Variants in RAB40C observed in about 807,000 individuals in gnomAD.
RAB40C encodes the protein RAB40C, member RAS oncogene family.
RAB40C carries 8 observed loss-of-function variants against 28.1 expected under a neutral mutation model. The ratio of observed to expected loss-of-function variants is 0.28; its 90% confidence interval spans 0.17 to 0.51. The LOEUF is 0.51. Ranked by LOEUF, RAB40C falls within the 20% of genes least tolerant of loss-of-function variation. The pLI is 0.97. For missense variants in RAB40C, 288 were observed against 405.9 expected (o/e 0.71, Z 2.50); for synonymous variants, 201 against 171.7 (o/e 1.17, Z -1.34).
At chr16:613,163 G>T (rs2036517882) in intron 1 of RAB40C, among the ~76,000 whole-genome samples, 1 of 140,184 alleles carries the variant, frequency 7.1e-6, no homozygotes, top group Non-Finnish European at 1.5e-5. Flanking sequence ...GCCCTGGCCT[G>T]TAGAATCAAG....
intron 3 of RAB40C, 105 bp from the exon 4 acceptor site, chr16:625,327 C>T: frequency 1.3e-6 from 2 of 1,519,112 alleles, no homozygotes; most frequent in South Asian, 2.4e-5. Context: ...TAATAAGCAT[C>T]CTTGGCCCTG....
At chr16:614,347 C>A in intron 1 of RAB40C, among the ~76,000 whole-genome samples, 1 of 107,056 alleles carries the variant, frequency 9.3e-6, no homozygotes, top group East Asian at 2.3e-4. Flanking sequence ...TGCCGCATCC[C>A]GATGGTGAAC....
At chr16:626,283 AGCAGCCTCGGGGGAGAG>A (rs1453566320) in intron 5 of RAB40C, among the ~76,000 whole-genome samples, 162 bp downstream of exon 5, 1 of 152,092 alleles carries the variant, frequency 6.6e-6, no homozygotes, top group Non-Finnish European at 1.5e-5. Context: ...ACTTGGTAAG[AGCAGCCTCGGGGGAGAG>A]GCGGCAGCAC....
rs1460458827 is a variant in RAB40C, at chr16:629,233, C to T, written c.*1611C>T. ...CCGCCATTCCTGGTTCTCTCCGAAC[C>T]GTTCTTTGTACAGTAAATGTAATTC... On this transcript the variant is annotated 3_prime_UTR_variant, in exon 6 of 6. Coordinates refer to ENST00000248139, the MANE Select transcript of RAB40C (RefSeq NM_021168.5). The T allele has an allele frequency of 7.5e-6, 2 of 267,188 alleles. No individual in the cohort carries two copies. Among genetic ancestry groups the T allele is most frequent in the East Asian group, 8.7e-5 (1 of 11,456 alleles). 16.6% of individuals were successfully genotyped at this position (267,188 alleles called of 1,614,324 possible).
chr16:606,707 G>C (rs926474998), intron 1 of RAB40C, among the ~76,000 whole-genome samples: 2 of 152,270 alleles, frequency 1.3e-5, no homozygotes, highest in Non-Finnish European at 2.9e-5. Flanking sequence ...CAGGCCGCCT[G>C]CGTTGTTCAC....
intron 3 of RAB40C, chr16:624,389 T>G (rs899494507): frequency 1.0e-6 from 1 of 985,486 alleles, no homozygotes; most frequent in Non-Finnish European, 1.2e-6. Flanking sequence ...CCAGACTGAC[T>G]TGGCCATCTC....
intron 3 of RAB40C, 108 bp downstream of exon 3, chr16:618,368 T>A (rs2036633619): frequency 8.9e-7 from 1 of 1,117,378 alleles, no homozygotes; most frequent in Non-Finnish European, 1.3e-6. Context: ...TCTTTCTTTA[T>A]AAGGATATTC....
At chr16:625,631 C>T in intron 4 of RAB40C, 122 bp downstream of exon 4, 1 of 1,072,004 alleles carries the variant, frequency 9.3e-7, no homozygotes, top group Non-Finnish European at 1.4e-6. Context: ...GCACCCTGCA[C>T]TGTCCCACGG....
intron 3 of RAB40C, among the ~76,000 whole-genome samples, chr16:618,572 G>A (rs1011803166): frequency 6.6e-6 from 1 of 152,212 alleles, no homozygotes; most frequent in Non-Finnish European, 1.5e-5. Context: ...GTGCACAGGT[G>A]TAGTGGGTGC....
intron 3 of RAB40C, chr16:625,071 T>A: frequency 7.7e-7 from 1 of 1,290,446 alleles, no homozygotes; most frequent in East Asian, 5.7e-5. Context: ...GATTCACTGA[T>A]GGACTGGCCG....
At chr16:619,598 C>T (rs2036669982) in intron 3 of RAB40C, among the ~76,000 whole-genome samples, 1 of 152,180 alleles carries the variant, frequency 6.6e-6, no homozygotes, top group Admixed American at 6.5e-5. Context: ...TCTGTGATGC[C>T]CCTAAGAGTT....
At chr16:618,630 G>A (rs1406305387) in intron 3 of RAB40C, among the ~76,000 whole-genome samples, 13 of 151,438 alleles carry the variant, frequency 8.6e-5, no homozygotes, top group African/African-American at 3.2e-4. Flanking sequence ...TCTGGCGGGG[G>A]CACTGGGGCC....
intron 1 of RAB40C, among the ~76,000 whole-genome samples, chr16:598,213 A>G (rs1016484279): frequency 1.2e-4 from 18 of 151,822 alleles, no homozygotes; most frequent in Admixed American, 9.9e-4. Flanking sequence ...CCCTGTCTCT[A>G]TAAAAATACA....
intron 1 of RAB40C, among the ~76,000 whole-genome samples, chr16:605,364 G>A (rs781285491): frequency 2.6e-5 from 4 of 152,174 alleles, no homozygotes; most frequent in Non-Finnish European, 4.4e-5. Flanking sequence ...GCTTTATTGA[G>A]GTGTAATTTG....
In RAB40C at chr16:625,214, C is replaced by T. The variant is rs897900619; in HGVS notation, c.265-218C>T. On this transcript the variant is annotated intron_variant, in intron 3 of 5. Transcript: ENST00000248139. ...GCGGCATTTCTGACACCATGGAAGGCGCCCACCCCCCTGCTGCAGTCCTGC... is the reference window on the plus strand; with the variant it reads ...GCGGCATTTCTGACACCATGGAAGGTGCCCACCCCCCTGCTGCAGTCCTGC... 4.9e-6 allele frequency: 7 copies of T among 1,429,186 alleles called. No homozygotes were observed. The East Asian group carries it at 1.1e-4, about 23-fold the overall frequency. 88.5% of individuals were successfully genotyped at this position (1,429,186 alleles called of 1,614,324 possible).
At chr16:600,143 C>A (rs1360543858) in intron 1 of RAB40C, among the ~76,000 whole-genome samples, 1 of 152,210 alleles carries the variant, frequency 6.6e-6, no homozygotes, top group African/African-American at 2.4e-5. Context: ...GATGTTGGAG[C>A]CTCTTCAGGT....
At chr16:591,814 C>T (rs930919703) in intron 1 of RAB40C, among the ~76,000 whole-genome samples, 5 of 152,134 alleles carry the variant, frequency 3.3e-5, no homozygotes, top group African/African-American at 1.2e-4. Flanking sequence ...CCAGGATGGT[C>T]TCAATCTCCT....
chr16:620,133 G>T lies in RAB40C; in HGVS notation c.264+1873G>T, dbSNP rs530421014. Among the ~76,000 whole-genome samples, 123 of 152,326 alleles carry T rather than the reference G, an allele frequency of 8.1e-4. 1 individual carries two copies. The South Asian group carries it at 0.024, about 30-fold the overall frequency. On this transcript the variant is annotated intron_variant, in intron 3 of 5. Coordinates refer to ENST00000248139, the MANE Select transcript of RAB40C (RefSeq NM_021168.5). ...AGTTGGGGCTGGTGCGGTGGTTCAC[G>T]CCTGTAATCCCAGCACTTTGGGAGG...
At chr16:597,381 TCGAATC>T (rs2036149998) in intron 1 of RAB40C, among the ~76,000 whole-genome samples, 1 of 152,130 alleles carries the variant, frequency 6.6e-6, no homozygotes, top group African/African-American at 2.4e-5. Flanking sequence ...TGGGAAGGAT[TCGAATC>T]CTGGATGGGT....
Sources: gnomAD v4.1 joint callset for allele counts (sites outside exome capture counted in the v4.1 genomes callset) on GRCh38, gnomAD v4.1.1 for gene constraint, MANE v1.5 for transcripts, NCBI Gene and HGNC (gene_info 2026-07-23, HGNC 2026-07-21) for gene names.